The following SLC25A13 variants were observed in gnomAD, a reference collection of about 807,000 sequenced individuals.
SLC25A13 encodes electrogenic aspartate/glutamate antiporter SLC25A13, mitochondrial.
Under a neutral mutation model 85.5 loss-of-function variants are expected in SLC25A13, and 70 were observed. The observed-to-expected ratio is 0.82, with a 90% CI of 0.68 to 1.00. The LOEUF is 1.00. SLC25A13 is among the 50% of genes least tolerant of loss of function. The pLI is 0.00. For missense variants in SLC25A13, 765 were observed against 819.8 expected, an observed-to-expected ratio of 0.93 and a Z score of 0.82; for synonymous variants, 259 against 288.7, an observed-to-expected ratio of 0.90 and a Z score of 1.04.
intron 3 of SLC25A13, among the ~76,000 whole-genome samples, chr7:96,247,965 A>G (rs1008028568): frequency 6.6e-6 from 1 of 151,816 alleles, no homozygotes; most frequent in Non-Finnish European, 1.5e-5. Context: ...TGGGAAAAAA[A>G]AAAAAAAAAG....
chr7:96,160,492 G>A (rs1382870074), intron 13 of SLC25A13, among the ~76,000 whole-genome samples: 1 of 152,188 alleles, frequency 6.6e-6, no homozygotes, highest in Non-Finnish European at 1.5e-5. Flanking sequence ...CGAAATCTGA[G>A]ATCACAGTGC....
chr7:96,288,456 C>T (rs935240511), intron 2 of SLC25A13, among the ~76,000 whole-genome samples: 6 of 152,144 alleles, frequency 3.9e-5, no homozygotes, highest in Admixed American at 1.3e-4. Flanking sequence ...AAGTGTGAGC[C>T]GAAGCAGGGC....
intron 13 of SLC25A13, among the ~76,000 whole-genome samples, chr7:96,153,165 G>T (rs1159735772): frequency 6.6e-6 from 1 of 152,172 alleles, no homozygotes; most frequent in East Asian, 1.9e-4. Context: ...CAGAGTTGGG[G>T]GATAAATTTG....
chr7:96,276,903 A>G (rs1389562555), intron 3 of SLC25A13, among the ~76,000 whole-genome samples: 2 of 152,220 alleles, frequency 1.3e-5, no homozygotes, highest in African/African-American at 4.8e-5. Flanking sequence ...TACCAAAGGC[A>G]TATAAATACT....
At chr7:96,132,610 T>C (rs957887611) in intron 14 of SLC25A13, among the ~76,000 whole-genome samples, 7 of 152,206 alleles carry the variant, frequency 4.6e-5, no homozygotes, top group African/African-American at 1.7e-4. Context: ...CGCGAATTGA[T>C]GAGTGCCCAG....
At chr7:96,126,589 T>C (rs1791735900) in intron 15 of SLC25A13, among the ~76,000 whole-genome samples, 1 of 152,208 alleles carries the variant, frequency 6.6e-6, no homozygotes. Flanking sequence ...CCAGGCATTC[T>C]ATTCTTCACT....
In SLC25A13 at chr7:96,132,382, A is replaced by G. The variant is rs187884488; in HGVS notation, c.1453-501T>C. Among the ~76,000 whole-genome samples, 318 of 152,318 alleles carry G rather than the reference A, an allele frequency of 2.1e-3. 2 individuals are homozygous for G. Among genetic ancestry groups the G allele is most frequent in the African/African-American group, 7.2e-3 (301 of 41,572 alleles). On this transcript the variant is annotated intron_variant, in intron 14 of 17. Coordinates refer to ENST00000265631, the MANE Select transcript of SLC25A13 (RefSeq NM_014251.3). ...AGAAATTACACATACATAAAAAATT[A>G]TATCTTTTCAGGGGGTTCATGGATC...
At chr7:96,210,382 A>AAAAC (rs1395371005) in intron 4 of SLC25A13, among the ~76,000 whole-genome samples, 1 of 152,216 alleles carries the variant, frequency 6.6e-6, no homozygotes, top group Non-Finnish European at 1.5e-5. Flanking sequence ...ATTTAAAGGA[A>AAAAC]AAACAAACAA....
In SLC25A13 at chr7:96,189,370, G is replaced by C; in HGVS notation, c.857C>G (p.Thr286Ser). The C allele has an allele frequency of 1.2e-6, 2 of 1,614,038 alleles. No individual in the cohort carries two copies. Among genetic ancestry groups the C allele is most frequent in the Middle Eastern group, 1.7e-4 (1 of 6,060 alleles). Reference sequence around the variant, plus strand: ...AGCAATCCGTTCAATGTCTGCTAAGGTCATACGTCTGTAGGGGAAAAACAA... The same window carrying C: ...AGCAATCCGTTCAATGTCTGCTAAGCTCATACGTCTGTAGGGGAAAAACAA... The part of the protein sequence containing the change: ...ADLYEPRGRM[T>S]LADIERIAPL... The change falls in exon 9 of 18, where the codon ACC (threonine) becomes AGC (serine). Residue 286 changes from threonine (T) to serine (S), a missense_variant. Physicochemically the swap from Thr to Ser is moderately conservative, Grantham distance 58. Transcript: ENST00000265631.
chr7:96,273,866 A>G (rs1372462986), intron 3 of SLC25A13, among the ~76,000 whole-genome samples: 1 of 152,198 alleles, frequency 6.6e-6, no homozygotes, highest in African/African-American at 2.4e-5. Context: ...AGGAGGTGAA[A>G]AAACAACTAG....
At chr7:96,291,872 T>C (rs935100885) in intron 2 of SLC25A13, among the ~76,000 whole-genome samples, 7 of 152,132 alleles carry the variant, frequency 4.6e-5, no homozygotes, top group Admixed American at 1.3e-4. Context: ...GCTACCATTC[T>C]TTCTGAAACT....
intron 14 of SLC25A13, among the ~76,000 whole-genome samples, chr7:96,135,199 C>G (rs757443820): frequency 1.3e-5 from 2 of 152,138 alleles, no homozygotes; most frequent in Non-Finnish European, 2.9e-5. Flanking sequence ...CACTGCATTA[C>G]AAACATTAAA....
chr7:96,271,533 A>G (rs1798238419), intron 3 of SLC25A13, among the ~76,000 whole-genome samples: 1 of 152,238 alleles, frequency 6.6e-6, no homozygotes, highest in Non-Finnish European at 1.5e-5. Flanking sequence ...GAGAAGAGGC[A>G]GCTCAGAACA....
intron 3 of SLC25A13, among the ~76,000 whole-genome samples, chr7:96,240,727 G>A (rs564812032): frequency 7.0e-6 from 1 of 141,978 alleles, no homozygotes; most frequent in East Asian, 2.0e-4. Flanking sequence ...CTGGGCTACA[G>A]AGTGAGACAC....
At chr7:96,162,410 A>G (rs1793543678) in intron 13 of SLC25A13, among the ~76,000 whole-genome samples, 1 of 152,190 alleles carries the variant, frequency 6.6e-6, no homozygotes, top group Non-Finnish European at 1.5e-5. Flanking sequence ...AAAACAGTAC[A>G]AGAAAGGTTT....
chr7:96,274,707 A>G (rs1290448819), intron 3 of SLC25A13, among the ~76,000 whole-genome samples: 1 of 152,226 alleles, frequency 6.6e-6, no homozygotes, highest in African/African-American at 2.4e-5. Flanking sequence ...GAAGGGATCC[A>G]GTTTCAGCTT....
intron 1 of SLC25A13, among the ~76,000 whole-genome samples, chr7:96,314,699 T>C (rs1023418457): frequency 5.3e-5 from 8 of 152,124 alleles, no homozygotes; most frequent in African/African-American, 1.9e-4. Flanking sequence ...AATGGTTCCC[T>C]CTAAGAATTC....
At chr7:96,290,591 C>G (rs555652433) in intron 2 of SLC25A13, among the ~76,000 whole-genome samples, 179 of 122,486 alleles carry the variant, frequency 1.5e-3, no homozygotes, top group African/African-American at 5.3e-3. Flanking sequence ...ATCTACCAAG[C>G]AAATGGAAAA....
At chr7:96,154,396 A>C (rs1457180984) in intron 13 of SLC25A13, among the ~76,000 whole-genome samples, 2 of 151,490 alleles carry the variant, frequency 1.3e-5, no homozygotes, top group Non-Finnish European at 2.9e-5. Context: ...TCCCAGGTTC[A>C]AGCGATTCTC....
Sources: gnomAD v4.1 joint callset for allele counts (sites outside exome capture counted in the v4.1 genomes callset) on GRCh38, gnomAD v4.1.1 for gene constraint, MANE v1.5 for transcripts, NCBI Gene and HGNC (gene_info 2026-07-23, HGNC 2026-07-21) for gene names.